SHISA9: variants seen among roughly 807,000 people sequenced by gnomAD.
The protein encoded by SHISA9 is shisa family member 9.
Under a neutral mutation model 38.0 loss-of-function variants are expected in SHISA9, and 13 were observed. The observed-to-expected ratio is 0.34, with a 90% CI of 0.22 to 0.54. SHISA9 has a LOEUF of 0.54. Among genes scored for constraint, SHISA9 ranks in the 20% least tolerant of loss-of-function variants. The pLI, the probability that SHISA9 is intolerant of heterozygous loss-of-function variation, is 0.91. For missense variants in SHISA9, 538 were observed against 575.8 expected, an observed-to-expected ratio of 0.93 and a Z score of 0.67; for synonymous variants, 275 against 242.0, an observed-to-expected ratio of 1.14 and a Z score of -1.27.
chr16:13,466,142 T>A, the SHISA9 span, among the ~76,000 whole-genome samples: 11 of 152,234 alleles, frequency 7.2e-5, no homozygotes, highest in South Asian at 2.1e-3. Context: ...GGCCTAGAGG[T>A]CTTAGTTCCA....
At chr16:13,090,763 T>C (rs765089171) in intron 2 of SHISA9, among the ~76,000 whole-genome samples, 8 of 152,074 alleles carry the variant, frequency 5.3e-5, no homozygotes, top group Non-Finnish European at 1.0e-4. Context: ...TCCAAGTCTG[T>C]GTCTTTTAAT....
At chr16:13,300,549 A>G in the SHISA9 span, among the ~76,000 whole-genome samples, 2 of 152,186 alleles carry the variant, frequency 1.3e-5, no homozygotes, top group African/African-American at 2.4e-5. Flanking sequence ...TTATGACAGA[A>G]CTGGGCGATT....
At chr16:12,908,559 G>T in intron 1 of SHISA9, 1 of 1,551,812 alleles carries the variant, frequency 6.4e-7, no homozygotes, top group South Asian at 1.2e-5. Context: ...TGGAGTGTCG[G>T]ACTTCAAACC....
chr16:12,989,495 T>C (rs1336746022), intron 2 of SHISA9, among the ~76,000 whole-genome samples: 2 of 152,142 alleles, frequency 1.3e-5, no homozygotes, highest in African/African-American at 4.8e-5. Flanking sequence ...ATTAATTTTT[T>C]ATGAGTGTGG....
intron 2 of SHISA9, among the ~76,000 whole-genome samples, chr16:13,166,656 G>T (rs534257733): frequency 6.6e-6 from 1 of 151,998 alleles, no homozygotes; most frequent in East Asian, 1.9e-4. Context: ...TTTTGTCTAC[G>T]GTGTGCCCCT....
intron 2 of SHISA9, among the ~76,000 whole-genome samples, chr16:13,162,011 C>G (rs1470621216): frequency 3.3e-5 from 5 of 152,084 alleles, no homozygotes; most frequent in African/African-American, 1.2e-4. Context: ...GATTGAAATT[C>G]AAGTGATAAA....
intron 2 of SHISA9, among the ~76,000 whole-genome samples, chr16:13,013,775 T>A (rs1323731602): frequency 2.6e-5 from 4 of 152,086 alleles, no homozygotes; most frequent in African/African-American, 4.8e-5. Flanking sequence ...TCGCCCAGGC[T>A]GGAGTGCAGT....
chr16:13,385,969 G>A, the SHISA9 span, among the ~76,000 whole-genome samples: 1 of 152,184 alleles, frequency 6.6e-6, no homozygotes, highest in Admixed American at 6.5e-5. Context: ...GGTGGCTAGG[G>A]ATTAAGGATA....
At chr16:13,178,432 G>A (rs1009141824) in intron 2 of SHISA9, among the ~76,000 whole-genome samples, 6 of 151,296 alleles carry the variant, frequency 4.0e-5, no homozygotes, top group Non-Finnish European at 8.8e-5. Flanking sequence ...CTCCCATCTT[G>A]GGCCCCACGT....
chr16:13,353,631 G>A, the SHISA9 span, among the ~76,000 whole-genome samples: 1 of 152,056 alleles, frequency 6.6e-6, no homozygotes, highest in South Asian at 2.1e-4. Context: ...TGAGACTGGG[G>A]CCTAATAACA....
At chr16:13,469,365 A>AAAG in the SHISA9 span, among the ~76,000 whole-genome samples, 1 of 64,456 alleles carries the variant, frequency 1.6e-5, no homozygotes, top group Admixed American at 1.7e-4. Context: ...AAAGAAAAGA[A>AAAG]AAAGAAAGAA....
the SHISA9 span, among the ~76,000 whole-genome samples, chr16:13,497,698 A>AG: frequency 6.6e-6 from 1 of 151,436 alleles, no homozygotes; most frequent in African/African-American, 2.4e-5. Context: ...AAAAAAAAAA[A>AG]AAAGAAAAAA....
At chr16:13,562,968 G>T in the SHISA9 span, 1 of 152,238 alleles carries the variant, frequency 6.6e-6, no homozygotes, top group South Asian at 2.1e-4. Context: ...CACTCGTTTG[G>T]TGGAACGTAA....
At chr16:13,373,323 C>T in the SHISA9 span, among the ~76,000 whole-genome samples, 70 of 152,196 alleles carry the variant, frequency 4.6e-4, no homozygotes, top group African/African-American at 1.6e-3. Flanking sequence ...TATGCTCTAT[C>T]TACAAATAAC....
At chr16:12,929,121 T>C (rs191772862) in intron 2 of SHISA9, among the ~76,000 whole-genome samples, 19 of 152,306 alleles carry the variant, frequency 1.2e-4, no homozygotes, top group African/African-American at 4.6e-4. Flanking sequence ...ATGGCTATTA[T>C]TAAAAAGTCA....
chr16:12,943,192 T>A (rs893126432), intron 2 of SHISA9, among the ~76,000 whole-genome samples: 8 of 151,930 alleles, frequency 5.3e-5, no homozygotes, highest in Admixed American at 1.3e-4. Context: ...TGGTCAGGGT[T>A]CAGGTATCCA....
the SHISA9 span, among the ~76,000 whole-genome samples, chr16:13,473,144 A>C: frequency 6.6e-6 from 1 of 152,174 alleles, no homozygotes. Flanking sequence ...CAGTTAAATT[A>C]CTTGGAAAAG....
the SHISA9 span, among the ~76,000 whole-genome samples, chr16:13,523,897 T>C: frequency 6.6e-6 from 1 of 152,206 alleles, no homozygotes; most frequent in Non-Finnish European, 1.5e-5. Context: ...TTTTAGGAGC[T>C]GTATATGCAT....
At chr16:13,054,256 A>G (rs977215118) in intron 2 of SHISA9, among the ~76,000 whole-genome samples, 4 of 152,212 alleles carry the variant, frequency 2.6e-5, no homozygotes, top group African/African-American at 9.7e-5. Flanking sequence ...AAAAATGGGG[A>G]TAACGATGAT....
Sources: allele counts gnomAD v4.1 joint callset (sites outside exome capture counted in the v4.1 genomes callset), GRCh38; gene constraint gnomAD v4.1.1; transcripts MANE v1.5; gene names NCBI Gene and HGNC (gene_info 2026-07-23, HGNC 2026-07-21).